DCP2: variants seen among roughly 807,000 people sequenced by gnomAD.
DCP2 encodes m7GpppN-mRNA hydrolase.
A neutral mutation model predicts 56.1 loss-of-function variants in DCP2; 30 were observed. That is an observed-to-expected ratio of 0.53 (90% CI 0.40 to 0.73). The LOEUF is 0.73. DCP2 is among the 30% of genes least tolerant of loss of function. DCP2 has a pLI of 0.00. For synonymous variants in DCP2, 197 were observed against 163.3 expected, an observed-to-expected ratio of 1.21 and a Z score of -1.57; for missense variants, 533 against 502.7, an observed-to-expected ratio of 1.06 and a Z score of -0.58.
At chr5:112,997,766 C>T (rs1748933812) in intron 4 of DCP2, among the ~76,000 whole-genome samples, 1 of 152,080 alleles carries the variant, frequency 6.6e-6, no homozygotes, top group South Asian at 2.1e-4. Flanking sequence ...AGGCGCACGC[C>T]ACCATGTTTG....
rs1750064965 is a variant in DCP2, at chr5:113,020,482, G to A, written c.*6998G>A. 6.6e-6 allele frequency: 1 copy of A among 152,184 alleles called. No individual in the cohort carries two copies. Among genetic ancestry groups the A allele is most frequent in the African/African-American group, 2.4e-5 (1 of 41,452 alleles). The allele number at this position is 152,184 out of a possible 1,614,324, so 9.4% of individuals were successfully genotyped here. ...GCAGAAAAGGAACCCCAAAACACCT[G>A]TAGTGTTCACCTTGTTATAAGAACA... is the stretch of plus-strand genomic sequence containing the variant. On this transcript the variant is annotated 3_prime_UTR_variant, in exon 11 of 11. Coordinates refer to ENST00000389063, the MANE Select transcript of DCP2 (RefSeq NM_152624.6).
chr5:113,015,931 G>C lies in DCP2; in HGVS notation c.*2447G>C, dbSNP rs916167716. On this transcript the variant is annotated 3_prime_UTR_variant, in exon 11 of 11. Transcript: ENST00000389063. ...ATATGCAATCATTTACTTCTACTGA[G>C]TGCTGCATTTTAAGATGCTAGATGA... The C allele has an allele frequency of 8.5e-5, 13 of 152,618 alleles. No individual in the cohort carries two copies. The highest frequency in any genetic ancestry group is 3.3e-4 in the Admixed American group (5 of 15,282). The allele number at this position is 152,618 out of a possible 1,614,324, so 9.5% of individuals were successfully genotyped here.
rs1456495111 is a variant in DCP2 at position 113,019,137 on chromosome 5, A to G, written c.*5653A>G. Reference sequence around the variant, plus strand: ...TTAGTTCATTGAATCTGAGGTTCTAAATCTGTAGCTTCATTTTGAGCACAA... The same window carrying G: ...TTAGTTCATTGAATCTGAGGTTCTAGATCTGTAGCTTCATTTTGAGCACAA... On this transcript the variant is annotated 3_prime_UTR_variant, in exon 11 of 11. Transcript: ENST00000389063. The G allele has an allele frequency of 6.6e-6, 1 of 152,174 alleles. No individual in the cohort carries two copies. The highest frequency in any genetic ancestry group is 6.5e-5 in the Admixed American group (1 of 15,280). 9.4% of individuals were successfully genotyped at this position (152,174 alleles called of 1,614,324 possible).
intron 4 of DCP2, among the ~76,000 whole-genome samples, chr5:112,995,615 C>A (rs1309524429): frequency 2.0e-5 from 3 of 152,092 alleles, no homozygotes; most frequent in Non-Finnish European, 4.4e-5. Context: ...AGAATTTTTT[C>A]GTTTTCATAA....
At chr5:113,007,779 C>G (rs1269724485) in intron 8 of DCP2, among the ~76,000 whole-genome samples, 159 bp from the exon 9 acceptor site, 1 of 152,108 alleles carries the variant, frequency 6.6e-6, no homozygotes. Context: ...GCACTGACTT[C>G]TATAAGAAAA....
intron 10 of DCP2, among the ~76,000 whole-genome samples, chr5:113,011,182 C>T (rs1224110892): frequency 6.6e-6 from 1 of 152,094 alleles, no homozygotes; most frequent in Non-Finnish European, 1.5e-5. Context: ...AGAAGGGGAA[C>T]ATTTTGGGGA....
chr5:113,005,146 G>C (rs1015336950), intron 8 of DCP2, among the ~76,000 whole-genome samples: 1 of 63,020 alleles, frequency 1.6e-5, no homozygotes, highest in South Asian at 9.0e-4. Context: ...AAAAGTGTGC[G>C]TGTGGGTGTG....
At chr5:112,999,364 G>A (rs1447144099) in intron 4 of DCP2, among the ~76,000 whole-genome samples, 3 of 151,454 alleles carry the variant, frequency 2.0e-5, no homozygotes, top group Admixed American at 6.6e-5. Context: ...TTTCGCTCTT[G>A]TTGCCCAGGC....
At chr5:112,979,307 A>G (rs935609193) in intron 1 of DCP2, among the ~76,000 whole-genome samples, 23 of 152,346 alleles carry the variant, frequency 1.5e-4, no homozygotes, top group African/African-American at 5.5e-4. Flanking sequence ...TTTAAAATAA[A>G]TGCCATTTTC....
At chr5:112,985,047 G>A (rs972491570) in intron 1 of DCP2, among the ~76,000 whole-genome samples, 10 of 152,000 alleles carry the variant, frequency 6.6e-5, no homozygotes, top group African/African-American at 2.4e-4. Flanking sequence ...CAGTGGACTT[G>A]AATCTGTCTC....
rs1467290556 is a variant in DCP2 at position 113,018,902 on chromosome 5, T to C, written c.*5418T>C. The stretch of plus-strand genomic sequence containing the variant: ...CCTTCCTGAGAAGGTGATCTCACTT[T>C]TGATGTTTGGGTCACCTGTGGACAC... On this transcript the variant is annotated 3_prime_UTR_variant, in exon 11 of 11. Coordinates refer to ENST00000389063, the MANE Select transcript of DCP2 (RefSeq NM_152624.6). The C allele has an allele frequency of 6.6e-6, 1 of 152,236 alleles. No homozygotes were observed. The highest frequency in any genetic ancestry group is 2.4e-5 in the African/African-American group (1 of 41,462). 9.4% of individuals were successfully genotyped at this position (152,236 alleles called of 1,614,324 possible).
At chr5:113,009,052 G>T (rs1168033398) in intron 9 of DCP2, among the ~76,000 whole-genome samples, 1 of 151,922 alleles carries the variant, frequency 6.6e-6, no homozygotes, top group Non-Finnish European at 1.5e-5. Flanking sequence ...TCACCATGTT[G>T]GCCAGGATGG....
chr5:113,019,946 T>A lies in DCP2; in HGVS notation c.*6462T>A, dbSNP rs1750037043. ...CCGAAATAGGGCATACAGATTAGTTTGGATGGGAAAGTGGTAAGACTTGAC... is the reference window on the plus strand; with the variant it reads ...CCGAAATAGGGCATACAGATTAGTTAGGATGGGAAAGTGGTAAGACTTGAC... On this transcript the variant is annotated 3_prime_UTR_variant, in exon 11 of 11. Coordinates refer to ENST00000389063, the MANE Select transcript of DCP2 (RefSeq NM_152624.6). 6.6e-6 allele frequency: 1 copy of A among 152,250 alleles called. No individual in the cohort carries two copies. Among genetic ancestry groups the A allele is most frequent in the African/African-American group, 2.4e-5 (1 of 41,480 alleles). The allele number at this position is 152,250 out of a possible 1,614,324, so 9.4% of individuals were successfully genotyped here.
rs1748627686 is a variant in DCP2, at chr5:112,992,221, A to G, written c.306A>G (p.Ala102=). Residue 102 remains alanine, a synonymous_variant, in exon 3 of 11, where the codon GCA becomes GCG. Transcript: ENST00000389063. ...EYKMGVPTYG[A]IILDETLENV... is the part of the protein sequence containing the mutation. ...AAATGGGAGTACCAACATATGGTGC[A>G]ATTATTCTTGATGAGACACTTGAAA... 1 of 1,612,974 alleles carries G rather than the reference A, an allele frequency of 6.2e-7. No homozygotes were observed.
At chr5:112,979,571 A>G (rs1243816261) in intron 1 of DCP2, among the ~76,000 whole-genome samples, 1 of 152,110 alleles carries the variant, frequency 6.6e-6, no homozygotes, top group Non-Finnish European at 1.5e-5. Flanking sequence ...TTATTAGTGT[A>G]TATAGGAAGT....
intron 4 of DCP2, among the ~76,000 whole-genome samples, 196 bp from the exon 5 acceptor site, chr5:113,000,888 A>G (rs542172341): frequency 2.0e-5 from 3 of 152,294 alleles, no homozygotes; most frequent in East Asian, 3.9e-4. Context: ...CCACCTGTGG[A>G]TACAGTATTA....
Position 112,999,253 on chromosome 5 carries a change from C to G in DCP2, c.433-1831C>G, listed in dbSNP as rs573146017. Reference sequence around the variant, plus strand: ...TATTTCTGATTTTTGAGGCATTATTCAAAGAGCAGAGCTAAAGAAAATAAC... The same window carrying G: ...TATTTCTGATTTTTGAGGCATTATTGAAAGAGCAGAGCTAAAGAAAATAAC... On this transcript the variant is annotated intron_variant, in intron 4 of 10. Coordinates refer to ENST00000389063, the MANE Select transcript of DCP2 (RefSeq NM_152624.6). 4.2e-4 allele frequency among the ~76,000 whole-genome samples: 64 copies of G among 152,236 alleles called. No homozygotes were observed. The Middle Eastern group carries it at 0.024, about 57-fold the overall frequency.
chr5:113,004,002 G>C lies in DCP2; in HGVS notation c.867G>C (p.Trp289Cys). 1.9e-6 allele frequency: 3 copies of C among 1,613,998 alleles called. No homozygotes were observed. The highest frequency in any genetic ancestry group is 2.5e-6 in the Non-Finnish European group (3 of 1,179,972). The change falls in exon 8 of 11, where the codon TGG (tryptophan) becomes TGC (cysteine). Residue 289 changes from tryptophan to cysteine, a missense_variant. Trp to Cys is a radical substitution (Grantham distance 215, BLOSUM62 -2). This residue lies in a region of DCP2 where 392 missense variants were observed against 346.6 expected (regional missense o/e 1.13). Transcript: ENST00000389063. ...LFPDGSPGDQWVKHRQPLQQK... is the reference protein window; with the variant it reads ...LFPDGSPGDQCVKHRQPLQQK... ...CTGACGGTTCTCCTGGTGACCAGTG[G>C]GTAAAGCACAGGCAACCACTGCAGC... is the stretch of plus-strand genomic sequence containing the variant.
intron 4 of DCP2, among the ~76,000 whole-genome samples, chr5:112,998,535 A>G (rs914087645): frequency 5.9e-5 from 9 of 152,230 alleles, no homozygotes; most frequent in Non-Finnish European, 8.8e-5. Flanking sequence ...GTTATTCATT[A>G]CTAAATTCAC....
Sources: gnomAD v4.1 joint callset for allele counts (sites outside exome capture counted in the v4.1 genomes callset) on GRCh38, gnomAD v4.1.1 for gene constraint, gnomAD v4.1.1 regional missense constraint, MANE v1.5 for transcripts, NCBI Gene and HGNC (gene_info 2026-07-23, HGNC 2026-07-21) for gene names.